Variants in RAB15 observed in about 807,000 individuals in gnomAD.
RAB15 encodes ras-related protein Rab-15.
In RAB15, 13 loss-of-function variants were observed where a neutral mutation model predicts 31.8. The observed-to-expected ratio is 0.41, with a 90% confidence interval of 0.27 to 0.65. The LOEUF (loss-of-function observed/expected upper bound fraction) is 0.65, where lower values mean the gene tolerates loss of function less well. Among genes scored for constraint, RAB15 ranks in the 30% least tolerant of loss-of-function variants. The probability of loss-of-function intolerance (pLI) is 0.32; values close to 1 mark genes in which losing one functional copy is unlikely to be tolerated. For missense variants in RAB15, 220 were observed against 277.3 expected, an observed-to-expected ratio of 0.79 and a Z score of 1.47; for synonymous variants, 100 against 105.6, an observed-to-expected ratio of 0.95 and a Z score of 0.33.
chr14:64,969,427 A>G (rs192757586), intron 1 of RAB15, among the ~76,000 whole-genome samples: 114 of 152,348 alleles, frequency 7.5e-4, no homozygotes, highest in Non-Finnish European at 2.2e-4. Flanking sequence ...AAACACGCCC[A>G]AGATAAGGGA....
In RAB15 at chr14:64,972,110, G is replaced by A. The variant is rs781289831; in HGVS notation, c.-34C>T. 6.4e-7 allele frequency: 1 copy of A among 1,557,416 alleles called. No individual in the cohort carries two copies. Among genetic ancestry groups the A allele is most frequent in the South Asian group, 1.2e-5 (1 of 85,984 alleles). Reference sequence around the variant, plus strand: ...CCAGCGGGGCCGGGAACTGCGGGCGGGCAGCGGGCTCAGCCCTGCTCCGCC... The same window carrying A: ...CCAGCGGGGCCGGGAACTGCGGGCGAGCAGCGGGCTCAGCCCTGCTCCGCC... On this transcript the variant is annotated 5_prime_UTR_variant, in exon 1 of 7. Coordinates refer to ENST00000533601, the MANE Select transcript of RAB15 (RefSeq NM_001308154.2). The surrounding 1 kb of genome is among the most constrained non-coding windows in gnomAD (Gnocchi z 6.3).
intron 1 of RAB15, among the ~76,000 whole-genome samples, chr14:64,964,122 AAATG>A (rs1232874530): frequency 6.6e-6 from 1 of 152,234 alleles, no homozygotes; most frequent in Non-Finnish European, 1.5e-5. Flanking sequence ...ATGAAAGCAA[AAATG>A]AATGAGCAAG....
Position 64,948,325 on chromosome 14 carries a change from G to A in RAB15, c.*29C>T. ...CCCACGGGCCTCCTGAGGGAAGAGGGGTGTCGTGTGGGGTGCCCCACACAG... is the reference window on the plus strand; with the variant it reads ...CCCACGGGCCTCCTGAGGGAAGAGGAGTGTCGTGTGGGGTGCCCCACACAG... On this transcript the variant is annotated 3_prime_UTR_variant, in exon 7 of 7. Coordinates refer to ENST00000533601, the MANE Select transcript of RAB15 (RefSeq NM_001308154.2). The surrounding 1 kb of genome is among the most constrained non-coding windows in gnomAD (Gnocchi z 7.0). The A allele has an allele frequency of 6.1e-6, 9 of 1,474,072 alleles. No individual in the cohort carries two copies. Among genetic ancestry groups the A allele is most frequent in the Non-Finnish European group, 8.1e-6 (9 of 1,117,616 alleles). 91.3% of individuals were successfully genotyped at this position (1,474,072 alleles called of 1,614,324 possible).
rs1886326220 is a variant in RAB15, at chr14:64,952,679, A to G, written c.125-108T>C. On this transcript the variant is annotated intron_variant, in intron 1 of 6. Transcript: ENST00000533601. The surrounding 1 kb of genome is among the most constrained non-coding windows in gnomAD (Gnocchi z 4.2). Reference sequence around the variant, plus strand: ...AGGTTTCCTTTCAGTTTAATTTGGCAAAGGGATGAAGTAATGTAAAGGCCT... The same window carrying G: ...AGGTTTCCTTTCAGTTTAATTTGGCGAAGGGATGAAGTAATGTAAAGGCCT... 1.3e-6 allele frequency: 1 copy of G among 771,632 alleles called. No homozygotes were observed. Among genetic ancestry groups the G allele is most frequent in the African/African-American group, 1.8e-5 (1 of 56,954 alleles). 47.8% of individuals were successfully genotyped at this position (771,632 alleles called of 1,614,324 possible).
At position 64,954,476 on chromosome 14, in the gene RAB15, C is replaced by T; in HGVS notation, c.125-1905G>A. ...CTCACACTAGCCTAGCAAACCTGGC[C>T]AAGGACAGTGCCTTGTGCAAAGCCA... On this transcript the variant is annotated intron_variant, in intron 1 of 6. Transcript: ENST00000533601. The surrounding 1 kb of genome is among the most constrained non-coding windows in gnomAD (Gnocchi z 4.3). The T allele has an allele frequency of 1.0e-6, 1 of 985,444 alleles. No homozygotes were observed. Among genetic ancestry groups the T allele is most frequent in the Non-Finnish European group, 1.2e-6 (1 of 829,938 alleles). 61.0% of individuals were successfully genotyped at this position (985,444 alleles called of 1,614,324 possible).
At chr14:64,963,520 A>G (rs1388541899) in intron 1 of RAB15, among the ~76,000 whole-genome samples, 1 of 152,180 alleles carries the variant, frequency 6.6e-6, no homozygotes, top group African/African-American at 2.4e-5. Flanking sequence ...CCACCAGGCT[A>G]CTGACCACTC....
Position 64,954,576 on chromosome 14 carries a change from C to A in RAB15, c.125-2005G>T. ...ACATTTATGGGAACTTCCTATGTGC[C>A]CTGCACAGTGCTCAGTGCAGACAGA... is the stretch of plus-strand genomic sequence containing the variant. On this transcript the variant is annotated intron_variant, in intron 1 of 6. Transcript: ENST00000533601. The surrounding 1 kb of genome is among the most constrained non-coding windows in gnomAD (Gnocchi z 4.3). The A allele has an allele frequency of 1.0e-6, 1 of 953,062 alleles. No homozygotes were observed. Among genetic ancestry groups the A allele is most frequent in the Non-Finnish European group, 1.2e-6 (1 of 800,454 alleles). The allele number at this position is 953,062 out of a possible 1,614,324, so 59.0% of individuals were successfully genotyped here. A position where few individuals can be genotyped will look rare whatever the true frequency, so the allele number is the denominator to read the frequency against.
In RAB15 at chr14:64,967,504, G is replaced by A. The variant is rs148096707; in HGVS notation, c.124+4449C>T. ...TGAGAGGCTGAGGTGGGAGGATTGCGTTTAGGAGATCGAGGCTGCAGTGAG... is the reference window on the plus strand; with the variant it reads ...TGAGAGGCTGAGGTGGGAGGATTGCATTTAGGAGATCGAGGCTGCAGTGAG... On this transcript the variant is annotated intron_variant, in intron 1 of 6. Transcript: ENST00000533601. Among the ~76,000 whole-genome samples, 35 of 151,870 alleles carry A rather than the reference G, an allele frequency of 2.3e-4. No homozygotes were observed. The East Asian group carries it at 3.3e-3, about 14-fold the overall frequency.
intron 1 of RAB15, among the ~76,000 whole-genome samples, chr14:64,960,807 G>A (rs928048814): frequency 4.6e-5 from 7 of 152,150 alleles, no homozygotes; most frequent in African/African-American, 1.7e-4. Flanking sequence ...GTGGGACAGA[G>A]AGATGAAGCC....
intron 1 of RAB15, among the ~76,000 whole-genome samples, chr14:64,959,998 T>G (rs1030167599): frequency 1.3e-5 from 2 of 151,834 alleles, no homozygotes; most frequent in African/African-American, 4.8e-5. Context: ...GAAAAGCTCC[T>G]CAATCAACTG....
intron 1 of RAB15, among the ~76,000 whole-genome samples, chr14:64,966,261 G>A (rs1887132231): frequency 6.6e-6 from 1 of 152,214 alleles, no homozygotes; most frequent in African/African-American, 2.4e-5. Flanking sequence ...TTGGTGTTCA[G>A]CAAATAGCGC....
chr14:64,965,989 G>A (rs914826721), intron 1 of RAB15, among the ~76,000 whole-genome samples: 6 of 152,144 alleles, frequency 3.9e-5, no homozygotes, highest in Admixed American at 6.5e-5. Flanking sequence ...GAGGCAGAGC[G>A]ACACCTAGCA....
At chr14:64,965,327 T>A (rs916113244) in intron 1 of RAB15, among the ~76,000 whole-genome samples, 1 of 151,778 alleles carries the variant, frequency 6.6e-6, no homozygotes, top group African/African-American at 2.4e-5. Context: ...GGTGTGGTGG[T>A]GCATGCTTGT....
chr14:64,951,180 A>G lies in RAB15; in HGVS notation c.247-29T>C. 1 of 1,576,500 alleles carries G rather than the reference A, an allele frequency of 6.3e-7. No homozygotes were observed. Among genetic ancestry groups the G allele is most frequent in the Non-Finnish European group, 8.7e-7 (1 of 1,149,754 alleles). Reference sequence around the variant, plus strand: ...AGAGAGAGAGAAATAGAGAGATGTGATATGCACAGAGAGAGTGCAGTCATG... The same window carrying G: ...AGAGAGAGAGAAATAGAGAGATGTGGTATGCACAGAGAGAGTGCAGTCATG... On this transcript the variant is annotated intron_variant, in intron 3 of 6. Transcript: ENST00000533601. The surrounding 1 kb of genome is among the most constrained non-coding windows in gnomAD (Gnocchi z 7.2).
Position 64,948,334 on chromosome 14 carries a change from TGG to T in RAB15, c.*18_*19del. 6.7e-7 allele frequency: 1 copy of T among 1,499,092 alleles called. No individual in the cohort carries two copies. The highest frequency in any genetic ancestry group is 8.8e-7 in the Non-Finnish European group (1 of 1,130,518). 92.9% of individuals were successfully genotyped at this position (1,499,092 alleles called of 1,614,324 possible). A position where few individuals can be genotyped will look rare whatever the true frequency, so the allele number is the denominator to read the frequency against. ...CTCCTGAGGGAAGAGGGGTGTCGTGTGGGGTGCCCCACACAGGACTCAGCACC... is the reference window on the plus strand; with the variant it reads ...CTCCTGAGGGAAGAGGGGTGTCGTGTGGTGCCCCACACAGGACTCAGCACC... On this transcript the variant is annotated 3_prime_UTR_variant, in exon 7 of 7. Transcript: ENST00000533601. This position sits in a 1 kb window ranked among gnomAD's most constrained non-coding sequence, Gnocchi z 7.0.
At chr14:64,956,101 T>G (rs909694402) in intron 1 of RAB15, among the ~76,000 whole-genome samples, 4 of 152,092 alleles carry the variant, frequency 2.6e-5, no homozygotes, top group African/African-American at 9.7e-5. Context: ...CACCTGGGAC[T>G]TGTTAGAAAT....
intron 5 of RAB15, among the ~76,000 whole-genome samples, chr14:64,949,891 C>A (rs535488733): frequency 6.6e-6 from 1 of 152,096 alleles, no homozygotes; most frequent in Non-Finnish European, 1.5e-5. Context: ...TCATTTGCCT[C>A]CCTGGCTCTT....
At chr14:64,964,782 G>A (rs575566303) in intron 1 of RAB15, among the ~76,000 whole-genome samples, 15 of 151,948 alleles carry the variant, frequency 9.9e-5, no homozygotes, top group African/African-American at 2.9e-4. Flanking sequence ...TCACTATGTT[G>A]GCCGGGCTGG....
chr14:64,950,496 G>A lies in RAB15; in HGVS notation c.325-82C>T. ...CCCTACAGAGTCTGCACTGCCTCCA[G>A]CCCACCACCAATTCCAGAGCCCTAG... is the stretch of plus-strand genomic sequence containing the variant. On this transcript the variant is annotated intron_variant, in intron 4 of 6. Coordinates refer to ENST00000533601, the MANE Select transcript of RAB15 (RefSeq NM_001308154.2). This position sits in a 1 kb window ranked among gnomAD's most constrained non-coding sequence, Gnocchi z 5.6. The A allele has an allele frequency of 8.8e-7, 1 of 1,139,444 alleles. No individual in the cohort carries two copies. Among genetic ancestry groups the A allele is most frequent in the Non-Finnish European group, 1.3e-6 (1 of 754,496 alleles). The allele number at this position is 1,139,444 out of a possible 1,614,324, so 70.6% of individuals were successfully genotyped here. A position where few individuals can be genotyped will look rare whatever the true frequency, so the allele number is the denominator to read the frequency against.
Sources: gnomAD v4.1 joint callset for allele counts (sites outside exome capture counted in the v4.1 genomes callset) on GRCh38, gnomAD v4.1.1 for gene constraint, Gnocchi (gnomAD v3.1) non-coding constraint, MANE v1.5 for transcripts, NCBI Gene and HGNC (gene_info 2026-07-23, HGNC 2026-07-21) for gene names.